The following KRT14 variants were observed in gnomAD, a reference collection of about 807,000 sequenced individuals.
KRT14 encodes keratin, type I cytoskeletal 14.
KRT14 carries 30 observed loss-of-function variants against 44.5 expected under a neutral mutation model. The observed-to-expected ratio is 0.67, with a 90% confidence interval of 0.50 to 0.92. KRT14 has a LOEUF of 0.92. KRT14 is among the 40% of genes least tolerant of loss of function. KRT14 has a pLI of 0.00. For missense variants in KRT14, 535 were observed against 640.6 expected, an observed-to-expected ratio of 0.84 and a Z score of 1.78; for synonymous variants, 241 against 257.6, an observed-to-expected ratio of 0.94 and a Z score of 0.62.
chr17:41,585,611 C>T (rs1043731352), intron 1 of KRT14, among the ~76,000 whole-genome samples: 3 of 152,202 alleles, frequency 2.0e-5, no homozygotes, highest in Admixed American at 6.5e-5. Context: ...TTGGATTTCC[C>T]CACCTCATCA....
chr17:41,586,624 C>T lies in KRT14; in HGVS notation c.211G>A (p.Gly71Ser), dbSNP rs556361680. 36 of 1,610,550 alleles carry T rather than the reference C, an allele frequency of 2.2e-5. No individual in the cohort carries two copies. The highest frequency in any genetic ancestry group is 1.9e-4 in the African/African-American group (14 of 74,956). Reference sequence around the variant, plus strand: ...CTGCTGCTGCTGCTGCTGAAGCCACCGCCATAGCCGCCCCCCAGCCCGCAG... The same window carrying T: ...CTGCTGCTGCTGCTGCTGAAGCCACTGCCATAGCCGCCCCCCAGCCCGCAG... The part of the protein sequence containing the change: ...GACGLGGGYG[G>S]GFSSSSSSFG... The change falls in exon 1 of 8, where the codon GGT becomes AGT. Residue 71 changes from glycine to serine, a missense_variant. Coordinates refer to ENST00000167586, the MANE Select transcript of KRT14 (RefSeq NM_000526.5).
Position 41,586,880 on chromosome 17 carries a change from G to A in KRT14, c.-46C>T, listed in dbSNP as rs774118773. ...GCGAGCGAGCAGTTGGCTGAGTGAA[G>A]AGAAGGTGCTCGGGTAAATTGGAAA... On this transcript the variant is annotated 5_prime_UTR_variant, in exon 1 of 8. Coordinates refer to ENST00000167586, the MANE Select transcript of KRT14 (RefSeq NM_000526.5). 2 of 1,544,980 alleles carry A rather than the reference G, an allele frequency of 1.3e-6. No homozygotes were observed. Among genetic ancestry groups the A allele is most frequent in the African/African-American group, 1.4e-5 (1 of 73,366 alleles).
chr17:41,584,740 C>T (rs1382889779), intron 2 of KRT14, among the ~76,000 whole-genome samples: 1 of 152,176 alleles, frequency 6.6e-6, no homozygotes, highest in African/African-American at 2.4e-5. Context: ...AGTGCCTCTC[C>T]CTAAAGCAGC....
intron 6 of KRT14, 27 bp downstream of exon 6, chr17:41,583,208 C>A (rs756966148): frequency 2.5e-6 from 4 of 1,610,730 alleles, no homozygotes; most frequent in Non-Finnish European, 3.4e-6. Flanking sequence ...ATGGGGGGGG[C>A]GGACTAAGGG....
intron 2 of KRT14, among the ~76,000 whole-genome samples, chr17:41,584,680 C>T (rs533006669): frequency 1.3e-5 from 2 of 152,308 alleles, no homozygotes; most frequent in South Asian, 4.1e-4. Context: ...TGCAGAAGTC[C>T]TCCAACTATG....
chr17:41,582,613 A>C, intron 7 of KRT14, 81 bp from the exon 8 acceptor site: 1 of 1,177,104 alleles, frequency 8.5e-7, no homozygotes, highest in Non-Finnish European at 1.2e-6. Flanking sequence ...CAAGAAGGTG[A>C]GGAAACTCAA....
intron 2 of KRT14, 152 bp from the exon 3 acceptor site, chr17:41,584,565 A>G: frequency 1.3e-6 from 1 of 769,338 alleles, no homozygotes; most frequent in Non-Finnish European, 2.2e-6. Context: ...CACAGTGCCC[A>G]TTGATTGCTC....
rs1240419815 is a variant in KRT14 at position 41,582,505 on chromosome 17, G to A, written c.1349C>T (p.Thr450Ile). The A allele has an allele frequency of 1.3e-6, 2 of 1,570,684 alleles. No individual in the cohort carries two copies. The highest frequency in any genetic ancestry group is 8.6e-7 in the Non-Finnish European group (1 of 1,157,766). ...DVTSSSRQIR[T>I]KVMDVHDGKV... Reference sequence around the variant, plus strand: ...GCCATCGTGCACATCCATGACCTTGGTGCGGATTTGGCGGCTGGAGGAGGT... The same window carrying A: ...GCCATCGTGCACATCCATGACCTTGATGCGGATTTGGCGGCTGGAGGAGGT... Residue 450 changes from threonine (T) to isoleucine (I), a missense_variant, in exon 8 of 8, where the codon ACC becomes ATC. Coordinates refer to ENST00000167586, the MANE Select transcript of KRT14 (RefSeq NM_000526.5).
At position 41,582,375 on chromosome 17, in the gene KRT14, T is replaced by C; in HGVS notation, c.*60A>G. 1 of 1,321,210 alleles carries C rather than the reference T, an allele frequency of 7.6e-7. No homozygotes were observed. The highest frequency in any genetic ancestry group is 1.1e-6 in the Non-Finnish European group (1 of 938,854). 81.8% of individuals were successfully genotyped at this position (1,321,210 alleles called of 1,614,324 possible). On this transcript the variant is annotated 3_prime_UTR_variant, in exon 8 of 8. Transcript: ENST00000167586. ...AAGTGCTTGGGCAGGAGAGGGGATC[T>C]TCCAGTGGGATCTGTGTCCACACGG...
At position 41,583,644 on chromosome 17, in the gene KRT14, G is replaced by C. The variant is rs1907417778; in HGVS notation, c.960C>G (p.Asn320Lys). The C allele has an allele frequency of 6.2e-7, 1 of 1,614,216 alleles. No homozygotes were observed. Among genetic ancestry groups the C allele is most frequent in the Non-Finnish European group, 8.5e-7 (1 of 1,180,040 alleles). Reference sequence around the variant, plus strand: ...TCTTGCCGCTCTGCACCAGCTCGCTGTTGGTGGCCACCTCGCGGTTCAGCT... The same window carrying C: ...TCTTGCCGCTCTGCACCAGCTCGCTCTTGGTGGCCACCTCGCGGTTCAGCT... ...TEELNREVAT[N>K]SELVQSGKSE... Residue 320 changes from asparagine (N) to lysine (K), a missense_variant, in exon 5 of 8, where the codon AAC (asparagine) becomes AAG (lysine). Coordinates refer to ENST00000167586, the MANE Select transcript of KRT14 (RefSeq NM_000526.5).
chr17:41,586,775 G>A lies in KRT14; in HGVS notation c.60C>T (p.Ile20=), dbSNP rs745424909. ...TGGAGCCGCCCCCGATGCCGCCCCC[G>A]ATGCCGCAGGAGCCCTTCATGGAGC... The part of the protein sequence containing the change: ...SSSSMKGSCG[I]GGGIGGGSSR... The change falls in exon 1 of 8, where the codon ATC becomes ATT. Residue 20 remains isoleucine (I), a synonymous_variant. Transcript: ENST00000167586. 3.4e-5 allele frequency: 54 copies of A among 1,585,436 alleles called. No individual in the cohort carries two copies. The highest frequency in any genetic ancestry group is 6.8e-5 in the South Asian group (6 of 88,010).
Position 41,584,964 on chromosome 17 carries a change from T to C in KRT14, c.608+11A>G. 1.2e-6 allele frequency: 2 copies of C among 1,609,934 alleles called. No individual in the cohort carries two copies. The highest frequency in any genetic ancestry group is 1.7e-6 in the Non-Finnish European group (2 of 1,176,164). The stretch of plus-strand genomic sequence containing the variant: ...GACACTGGATGTTCTGGCCCACCAT[T>C]TCAAACTCACTTGGTGCGGAAGTCA... On this transcript the variant is annotated intron_variant, in intron 2 of 7. Coordinates refer to ENST00000167586, the MANE Select transcript of KRT14 (RefSeq NM_000526.5).
chr17:41,586,379 C>G lies in KRT14; in HGVS notation c.456G>C (p.Gln152His), dbSNP rs138397561. 1.1e-5 allele frequency: 17 copies of G among 1,613,658 alleles called. No homozygotes were observed. Among genetic ancestry groups the G allele is most frequent in the Non-Finnish European group, 1.3e-5 (15 of 1,180,038 alleles). Residue 152 changes from glutamine to histidine, a missense_variant, in exon 1 of 8, where the codon CAG becomes CAC. Gln to His is a conservative substitution (Grantham distance 24, BLOSUM62 0). Coordinates refer to ENST00000167586, the MANE Select transcript of KRT14 (RefSeq NM_000526.5). ...DLEVKIRDWY[Q>H]RQRPAEIKDY... Reference sequence around the variant, plus strand: ...CTTTGATCTCAGCAGGCCGCTGCCTCTGGTACCAGTCACGGATCTTCACTT... The same window carrying G: ...CTTTGATCTCAGCAGGCCGCTGCCTGTGGTACCAGTCACGGATCTTCACTT...
Position 41,583,032 on chromosome 17 carries a change from A to G in KRT14, c.1321+62T>C, listed in dbSNP as rs371397973. 39 of 1,519,640 alleles carry G rather than the reference A, an allele frequency of 2.6e-5. No homozygotes were observed. The African/African-American group carries it at 4.9e-4, about 19-fold the overall frequency. The allele number at this position is 1,519,640 out of a possible 1,614,324, so 94.1% of individuals were successfully genotyped here. On this transcript the variant is annotated intron_variant, in intron 7 of 7. Coordinates refer to ENST00000167586, the MANE Select transcript of KRT14 (RefSeq NM_000526.5). ...CTCACGGAGCCCCTAGCCAATGCCT[A>G]GACCTGCTTGGGGTACAGAGGGTGG...
chr17:41,582,763 C>T (rs774928729), intron 7 of KRT14: 2 of 608,656 alleles, frequency 3.3e-6, no homozygotes, highest in East Asian at 2.8e-5. Context: ...ATTAGAGCTT[C>T]CTAAGAGCTC....
In KRT14 at chr17:41,583,555, C is replaced by G. The variant is rs1380370160; in HGVS notation, c.1049G>C (p.Ser350Thr). Reference protein sequence around the residue: ...NLEIELQSQLSMKASLENSLE... With the variant: ...NLEIELQSQLTMKASLENSLE... ...CCTTCCTGGCACTATTCCTACCATGCTGAGCTGGGACTGCAGCTCAATCTC... is the reference window on the plus strand; with the variant it reads ...CCTTCCTGGCACTATTCCTACCATGGTGAGCTGGGACTGCAGCTCAATCTC... Residue 350 changes from serine (S) to threonine (T), a missense_variant, in exon 5 of 8, where the codon AGC becomes ACC. Coordinates refer to ENST00000167586, the MANE Select transcript of KRT14 (RefSeq NM_000526.5). The G allele has an allele frequency of 1.9e-6, 3 of 1,614,232 alleles. No individual in the cohort carries two copies. The highest frequency in any genetic ancestry group is 2.5e-6 in the Non-Finnish European group (3 of 1,180,040).
At chr17:41,584,892 G>C in intron 2 of KRT14, 83 bp downstream of exon 2, 2 of 1,012,486 alleles carry the variant, frequency 2.0e-6, no homozygotes, top group Non-Finnish European at 3.1e-6. Context: ...CCTGGTACTG[G>C]CTAGTTCTAT....
chr17:41,583,760 C>T lies in KRT14; in HGVS notation c.927G>A (p.Lys309=), dbSNP rs562257071. 1.4e-5 allele frequency: 23 copies of T among 1,614,274 alleles called. 1 individual carries two copies. The South Asian group carries it at 2.2e-4, about 15-fold the overall frequency. ...TCCTTCCACCTCAAATGACACCCAC[C>T]TTGGTGAAGAACCATTCCTCGGCAT... ...RKDAEEWFFT[K]TEELNREVAT... Residue 309 remains lysine (K), a splice_region_variant and synonymous_variant, in exon 4 of 8, where the codon AAG becomes AAA. Transcript: ENST00000167586.
At chr17:41,582,714 A>T in intron 7 of KRT14, 182 bp from the exon 8 acceptor site, 3 of 646,132 alleles carry the variant, frequency 4.6e-6, no homozygotes, top group Middle Eastern at 6.1e-4. Flanking sequence ...CTTTCAGACG[A>T]GGGCTCCCAA....
Sources: gnomAD v4.1 joint callset for allele counts (sites outside exome capture counted in the v4.1 genomes callset) on GRCh38, gnomAD v4.1.1 for gene constraint, MANE v1.5 for transcripts, NCBI Gene and HGNC (gene_info 2026-07-23, HGNC 2026-07-21) for gene names.